Variants in CPED1 observed in about 807,000 individuals in gnomAD.
The protein encoded by CPED1 is cadherin like and PC-esterase domain containing 1.
Under a neutral mutation model 128.2 loss-of-function variants are expected in CPED1, and 114 were observed. The ratio of observed to expected loss-of-function variants is 0.89; its 90% confidence interval spans 0.76 to 1.04. The LOEUF (loss-of-function observed/expected upper bound fraction) is 1.04. Ranked by LOEUF, CPED1 falls within the 50% of genes least tolerant of loss-of-function variation. The pLI is 0.00. For synonymous variants in CPED1, 462 were observed against 426.7 expected, an observed-to-expected ratio of 1.08 and a Z score of -1.02; for missense variants, 1,211 against 1,207.1, an observed-to-expected ratio of 1.00 and a Z score of -0.05.
Position 121,059,725 on chromosome 7 carries a change from A to G in CPED1, c.541-4513A>G, listed in dbSNP as rs1793602197. ...TATTAACAGATTGTCTCAAAAGAAT[A>G]TTTTACTTTTGCCTCTGACAATATG... On this transcript the variant is annotated intron_variant, in intron 4 of 22. Transcript: ENST00000310396. Among the ~76,000 whole-genome samples, 4 of 152,192 alleles carry G rather than the reference A, an allele frequency of 2.6e-5. No homozygotes were observed. In the South Asian group the frequency reaches 8.3e-4, roughly 32 times the overall value.
At chr7:121,184,515 C>T (rs1236017850) in intron 16 of CPED1, among the ~76,000 whole-genome samples, 1 of 152,124 alleles carries the variant, frequency 6.6e-6, no homozygotes, top group Non-Finnish European at 1.5e-5. Flanking sequence ...AGAAGGAACC[C>T]ATTTTTCCTC....
intron 5 of CPED1, among the ~76,000 whole-genome samples, chr7:121,075,142 A>G (rs1028191635): frequency 9.2e-5 from 14 of 152,196 alleles, no homozygotes; most frequent in Non-Finnish European, 1.5e-5. Context: ...TCAAGGTTAC[A>G]GCATGGCATT....
At chr7:121,148,556 TCTTGCTGA>T (rs1389872902) in intron 16 of CPED1, among the ~76,000 whole-genome samples, 2 of 152,160 alleles carry the variant, frequency 1.3e-5, no homozygotes, top group African/African-American at 4.8e-5. Flanking sequence ...TGAATATAAG[TCTTGCTGA>T]CTTCAAATTG....
At chr7:121,163,495 G>T (rs1461411778) in intron 16 of CPED1, among the ~76,000 whole-genome samples, 1 of 152,206 alleles carries the variant, frequency 6.6e-6, no homozygotes, top group Admixed American at 6.5e-5. Context: ...CTTCTCCAGA[G>T]CCTACAGGCT....
At chr7:121,232,215 A>G (rs1394410042) in intron 16 of CPED1, among the ~76,000 whole-genome samples, 1 of 152,066 alleles carries the variant, frequency 6.6e-6, no homozygotes, top group Non-Finnish European at 1.5e-5. Flanking sequence ...TTTTTTTTCC[A>G]TTCCCCCTCA....
intron 22 of CPED1, among the ~76,000 whole-genome samples, chr7:121,281,155 C>T (rs1197088403): frequency 1.3e-5 from 2 of 152,150 alleles, no homozygotes; most frequent in African/African-American, 4.8e-5. Context: ...AGGTCAAGAT[C>T]AATCTTAAGA....
At chr7:121,106,273 T>C (rs1278205389) in intron 7 of CPED1, among the ~76,000 whole-genome samples, 1 of 152,072 alleles carries the variant, frequency 6.6e-6, no homozygotes, top group African/African-American at 2.4e-5. Context: ...CATAGACATA[T>C]GCAAATATAA....
At chr7:121,278,139 G>T (rs1469080066) in intron 22 of CPED1, among the ~76,000 whole-genome samples, 3 of 152,050 alleles carry the variant, frequency 2.0e-5, no homozygotes, top group Non-Finnish European at 4.4e-5. Flanking sequence ...GCTCATAATA[G>T]CTTTCAACAA....
chr7:121,126,082 C>T (rs1455929053), intron 9 of CPED1, among the ~76,000 whole-genome samples, 190 bp downstream of exon 9: 1 of 151,978 alleles, frequency 6.6e-6, no homozygotes, highest in African/African-American at 2.4e-5. Flanking sequence ...TCCAATCCTG[C>T]CTATGTGTCT....
chr7:121,091,786 A>T (rs1794576339), intron 5 of CPED1, among the ~76,000 whole-genome samples: 1 of 152,182 alleles, frequency 6.6e-6, no homozygotes, highest in African/African-American at 2.4e-5. Context: ...GATTACACTT[A>T]TATAGGCATC....
intron 18 of CPED1, chr7:121,261,573 G>T: frequency 6.4e-7 from 1 of 1,573,872 alleles, no homozygotes; most frequent in South Asian, 1.2e-5. Flanking sequence ...GGAATGATGT[G>T]ACCAGCTTCC....
intron 22 of CPED1, among the ~76,000 whole-genome samples, chr7:121,290,087 G>A (rs1792663823): frequency 6.6e-6 from 1 of 152,126 alleles, no homozygotes; most frequent in East Asian, 1.9e-4. Flanking sequence ...TTAGTTTGCT[G>A]AGAATGATGG....
At chr7:121,140,739 C>T (rs937975598) in intron 14 of CPED1, 88 bp from the exon 15 acceptor site, 1 of 947,338 alleles carries the variant, frequency 1.1e-6, no homozygotes, top group Non-Finnish European at 1.6e-6. Context: ...TCAAAGGAAA[C>T]AGAAAAAGAA....
intron 5 of CPED1, among the ~76,000 whole-genome samples, chr7:121,078,917 G>GT (rs904512092): frequency 7.9e-5 from 12 of 152,166 alleles, no homozygotes; most frequent in African/African-American, 2.9e-4. Context: ...CTAAGATAAG[G>GT]TGTCAGCAGA....
At chr7:121,220,834 C>T (rs367967783) in intron 16 of CPED1, among the ~76,000 whole-genome samples, 1 of 151,908 alleles carries the variant, frequency 6.6e-6, no homozygotes, top group Non-Finnish European at 1.5e-5. Context: ...CCAGAACTTA[C>T]GTGTTCACAA....
chr7:121,281,683 A>G (rs1041354641), intron 22 of CPED1, among the ~76,000 whole-genome samples: 1 of 152,210 alleles, frequency 6.6e-6, no homozygotes, highest in Admixed American at 6.5e-5. Context: ...ATAAAACTCC[A>G]TTTAGCTCCA....
intron 4 of CPED1, among the ~76,000 whole-genome samples, chr7:121,056,289 T>C (rs1793497464): frequency 6.6e-6 from 1 of 152,184 alleles, no homozygotes; most frequent in South Asian, 2.1e-4. Flanking sequence ...TGTATGTTAG[T>C]TCTACCATCA....
At chr7:120,991,599 T>G (rs958094008) in intron 2 of CPED1, among the ~76,000 whole-genome samples, 1 of 152,242 alleles carries the variant, frequency 6.6e-6, no homozygotes, top group Non-Finnish European at 1.5e-5. Flanking sequence ...TTGTTCACTC[T>G]GTGTGATTCC....
At chr7:121,260,939 T>A (rs1792003379) in intron 18 of CPED1, among the ~76,000 whole-genome samples, 1 of 152,138 alleles carries the variant, frequency 6.6e-6, no homozygotes, top group Non-Finnish European at 1.5e-5. Flanking sequence ...CTATTAATAC[T>A]ACATGTATCC....
Sources: allele counts gnomAD v4.1 joint callset (sites outside exome capture counted in the v4.1 genomes callset), GRCh38; gene constraint gnomAD v4.1.1; transcripts MANE v1.5; gene names NCBI Gene and HGNC (gene_info 2026-07-23, HGNC 2026-07-21).